Variants in IQCM observed in about 807,000 individuals in gnomAD.
IQCM encodes IQ domain-containing protein M.
Under a neutral mutation model 57.6 loss-of-function variants are expected in IQCM, and 45 were observed. The observed-to-expected ratio is 0.78, with a 90% CI of 0.62 to 1.00. The LOEUF (loss-of-function observed/expected upper bound fraction) is 1.00. Among genes scored for constraint, IQCM ranks in the 50% least tolerant of loss-of-function variants. The pLI is 0.00. For missense variants in IQCM, 468 were observed against 511.6 expected (o/e 0.91, Z 0.82); for synonymous variants, 148 against 158.9 (o/e 0.93, Z 0.51).
intron 2 of IQCM, among the ~76,000 whole-genome samples, chr4:149,786,692 G>A (rs919070957): frequency 1.3e-5 from 2 of 152,152 alleles, no homozygotes; most frequent in Admixed American, 6.5e-5. Flanking sequence ...AGATGCTGGC[G>A]AGGCTTTGGA....
intron 12 of IQCM, among the ~76,000 whole-genome samples, chr4:149,497,951 G>A (rs1742845997): frequency 6.6e-6 from 1 of 151,992 alleles, no homozygotes; most frequent in African/African-American, 2.4e-5. Flanking sequence ...ATGTTCTGAT[G>A]CTCTGATGCT....
At position 149,761,570 on chromosome 4, in the gene IQCM, T is replaced by C. The variant is rs79906880; in HGVS notation, c.-48-18831A>G. On this transcript the variant is annotated intron_variant, in intron 2 of 13. Coordinates refer to ENST00000636793, the MANE Select transcript of IQCM (RefSeq NM_001363507.2). ...CCCACAGCACTTACACTATCTATCC[T>C]TTATAATACTTGTCCTTTTAAATCT... is the stretch of plus-strand genomic sequence containing the variant. 1.9e-3 allele frequency among the ~76,000 whole-genome samples: 286 copies of C among 152,254 alleles called. 1 individual carries two copies. The highest frequency in any genetic ancestry group is 6.3e-3 in the African/African-American group (261 of 41,572).
chr4:149,525,538 A>G lies in IQCM; in HGVS notation c.1228+22917T>C, dbSNP rs545332844. ...AAGAATTATTTCCACTTAGTGGTCA[A>G]AAGACAGTAAATGATATTGATATAC... On this transcript the variant is annotated intron_variant, in intron 12 of 13. Coordinates refer to ENST00000636793, the MANE Select transcript of IQCM (RefSeq NM_001363507.2). 4.6e-4 allele frequency among the ~76,000 whole-genome samples: 70 copies of G among 152,006 alleles called. No individual in the cohort carries two copies. The Middle Eastern group carries it at 0.014, about 30-fold the overall frequency.
chr4:149,641,087 A>G (rs1758148480), intron 7 of IQCM, among the ~76,000 whole-genome samples: 1 of 152,204 alleles, frequency 6.6e-6, no homozygotes. Context: ...CTATCATGCC[A>G]CTGCACTCCA....
intron 8 of IQCM, among the ~76,000 whole-genome samples, chr4:149,602,083 G>A (rs1041864287): frequency 2.1e-4 from 30 of 145,182 alleles, no homozygotes; most frequent in Non-Finnish European, 3.7e-4. Flanking sequence ...ACTAAACAAC[G>A]AGAAATTAGA....
chr4:149,388,391 T>A (rs549943505), intron 13 of IQCM, among the ~76,000 whole-genome samples: 1 of 151,008 alleles, frequency 6.6e-6, no homozygotes, highest in Non-Finnish European at 1.5e-5. Flanking sequence ...GCCATCATAG[T>A]GAGCGTGAAG....
intron 12 of IQCM, among the ~76,000 whole-genome samples, chr4:149,483,598 G>T (rs1442096450): frequency 6.6e-6 from 1 of 151,760 alleles, no homozygotes; most frequent in East Asian, 1.9e-4. Context: ...TCTAGTTATT[G>T]ATATCTAGTT....
At chr4:149,388,655 A>G (rs1731618521) in intron 13 of IQCM, among the ~76,000 whole-genome samples, 1 of 142,092 alleles carries the variant, frequency 7.0e-6, no homozygotes, top group East Asian at 2.0e-4. Flanking sequence ...AATATAAAAT[A>G]TATATATATA....
chr4:149,735,242 T>A (rs1766828925), intron 4 of IQCM, 134 bp downstream of exon 4: 1 of 427,376 alleles, frequency 2.3e-6, no homozygotes, highest in South Asian at 1.3e-4. Flanking sequence ...AGTGAGCATT[T>A]CATTTTTCTC....
At chr4:149,493,902 T>A (rs896506187) in intron 12 of IQCM, among the ~76,000 whole-genome samples, 3 of 151,620 alleles carry the variant, frequency 2.0e-5, no homozygotes, top group Non-Finnish European at 2.9e-5. Context: ...AAAAAAAATC[T>A]ATATTCTGCC....
chr4:149,523,245 A>G (rs1745838160), intron 12 of IQCM, among the ~76,000 whole-genome samples: 1 of 152,150 alleles, frequency 6.6e-6, no homozygotes, highest in Admixed American at 6.6e-5. Context: ...CCATCTCCAA[A>G]TACCATCACA....
intron 7 of IQCM, among the ~76,000 whole-genome samples, chr4:149,626,146 G>C (rs1471574361): frequency 1.3e-5 from 2 of 151,826 alleles, no homozygotes; most frequent in East Asian, 3.9e-4. Context: ...AGCCTGGGTG[G>C]GCACAGTCTA....
At chr4:149,497,641 G>A (rs1742801530) in intron 12 of IQCM, among the ~76,000 whole-genome samples, 1 of 151,570 alleles carries the variant, frequency 6.6e-6, no homozygotes, top group African/African-American at 2.4e-5. Context: ...CACAACACAT[G>A]GGAATTCAAG....
intron 12 of IQCM, among the ~76,000 whole-genome samples, chr4:149,540,521 C>T (rs112837635): frequency 1.6e-4 from 25 of 151,786 alleles, no homozygotes; most frequent in African/African-American, 5.6e-4. Context: ...GATTGACTGT[C>T]GTCCACTCTG....
intron 9 of IQCM, among the ~76,000 whole-genome samples, chr4:149,580,244 G>A (rs368332238): frequency 7.4e-4 from 113 of 151,816 alleles, no homozygotes; most frequent in African/African-American, 2.5e-3. Context: ...GAAATCTGCC[G>A]ATCTATCTTT....
intron 2 of IQCM, among the ~76,000 whole-genome samples, chr4:149,810,937 A>G (rs1157065211): frequency 6.6e-6 from 1 of 151,896 alleles, no homozygotes; most frequent in East Asian, 1.9e-4. Flanking sequence ...CCAATTAAAC[A>G]CTCGAAGTAG....
At chr4:149,665,982 C>T (rs934651944) in intron 7 of IQCM, 2 of 152,144 alleles carry the variant, frequency 1.3e-5, no homozygotes, top group Non-Finnish European at 2.9e-5. Flanking sequence ...GTCTCTCAGG[C>T]CTTTGGCCAC....
chr4:149,386,480 T>C (rs907521522), intron 13 of IQCM, among the ~76,000 whole-genome samples: 6 of 152,222 alleles, frequency 3.9e-5, no homozygotes, highest in South Asian at 2.1e-4. Flanking sequence ...CATATTTAAT[T>C]ATACCTTTTA....
intron 9 of IQCM, among the ~76,000 whole-genome samples, chr4:149,575,027 C>T (rs914654836): frequency 1.1e-4 from 16 of 151,896 alleles, no homozygotes; most frequent in African/African-American, 3.6e-4. Flanking sequence ...GACTAGCATG[C>T]CTGCTTTGTC....
Sources: gnomAD v4.1 joint callset for allele counts (sites outside exome capture counted in the v4.1 genomes callset) on GRCh38, gnomAD v4.1.1 for gene constraint, MANE v1.5 for transcripts, NCBI Gene and HGNC (gene_info 2026-07-23, HGNC 2026-07-21) for gene names.